Variants in FAT3 observed in about 807,000 individuals in gnomAD.
The protein encoded by FAT3 is FAT atypical cadherin 3.
FAT3 carries 95 observed loss-of-function variants against 310.2 expected under a neutral mutation model. The ratio of observed to expected loss-of-function variants is 0.31; its 90% CI spans 0.26 to 0.36. The LOEUF (loss-of-function observed/expected upper bound fraction) is 0.36. Among genes scored for constraint, FAT3 ranks in the 10% least tolerant of loss-of-function variants. The pLI, the probability that FAT3 is intolerant of heterozygous loss-of-function variation, is 1.00. For missense variants in FAT3, 5,408 were observed against 5,715.6 expected, an observed-to-expected ratio of 0.95 and a Z score of 1.74; for synonymous variants, 2,314 against 2,192.9, an observed-to-expected ratio of 1.06 and a Z score of -1.54.
chr11:92,275,126 G>A (rs1379402016), intron 1 of FAT3, among the ~76,000 whole-genome samples: 1 of 152,064 alleles, frequency 6.6e-6, no homozygotes, highest in Non-Finnish European at 1.5e-5. Flanking sequence ...AGTCTTCCCA[G>A]GTACCACACT....
intron 1 of FAT3, among the ~76,000 whole-genome samples, chr11:92,307,888 T>C (rs1947181624): frequency 6.6e-6 from 1 of 152,212 alleles, no homozygotes; most frequent in South Asian, 2.1e-4. Flanking sequence ...TAGTACCACA[T>C]GGGAATTAGT....
intron 2 of FAT3, among the ~76,000 whole-genome samples, chr11:92,467,676 A>G (rs1341953886): frequency 6.6e-6 from 1 of 152,158 alleles, no homozygotes; most frequent in Non-Finnish European, 1.5e-5. Flanking sequence ...CCTGCTCTGT[A>G]TAGCACCCAG....
chr11:92,657,631 G>T (rs927742617), intron 3 of FAT3, among the ~76,000 whole-genome samples: 1 of 152,206 alleles, frequency 6.6e-6, no homozygotes, highest in Non-Finnish European at 1.5e-5. Flanking sequence ...ACAGCATTTT[G>T]TCATTTGAAC....
At chr11:92,769,737 A>G (rs185346564) in intron 6 of FAT3, among the ~76,000 whole-genome samples, 21 of 152,334 alleles carry the variant, frequency 1.4e-4, no homozygotes, top group Non-Finnish European at 2.6e-4. Context: ...GAGTGATAGA[A>G]CGTAGTTCCA....
intron 1 of FAT3, among the ~76,000 whole-genome samples, chr11:92,293,541 TATATATATATAAATAA>T (rs1284058009): frequency 1.4e-5 from 1 of 71,332 alleles, no homozygotes; most frequent in African/African-American, 6.9e-5. Flanking sequence ...TATATATATA[TATATATATATAAATAA>T]AATATATTCC....
intron 1 of FAT3, among the ~76,000 whole-genome samples, chr11:92,318,406 A>G (rs1947524360): frequency 6.6e-6 from 1 of 152,204 alleles, no homozygotes; most frequent in African/African-American, 2.4e-5. Flanking sequence ...CAATGGCAGT[A>G]TGTTTTGAAA....
chr11:92,727,883 G>A (rs1030022822), intron 4 of FAT3, among the ~76,000 whole-genome samples: 1 of 152,324 alleles, frequency 6.6e-6, no homozygotes, highest in African/African-American at 2.4e-5. Flanking sequence ...ACTGAGGCTG[G>A]CCTCCCCAGA....
chr11:92,419,572 T>C (rs182821578), intron 2 of FAT3, among the ~76,000 whole-genome samples: 3 of 152,342 alleles, frequency 2.0e-5, no homozygotes, highest in African/African-American at 7.2e-5. Context: ...ATTTCTTTTA[T>C]ACCTCAGCTT....
intron 11 of FAT3, among the ~76,000 whole-genome samples, chr11:92,805,970 A>G (rs1274445454): frequency 6.6e-6 from 1 of 152,232 alleles, no homozygotes; most frequent in African/African-American, 2.4e-5. Context: ...AAATGCTGGT[A>G]GTGGCTCTTT....
intron 4 of FAT3, among the ~76,000 whole-genome samples, chr11:92,731,266 T>C (rs1441397930): frequency 6.6e-6 from 1 of 152,186 alleles, no homozygotes; most frequent in African/African-American, 2.4e-5. Flanking sequence ...CAGTTTTACC[T>C]CCAGGGGACA....
intron 22 of FAT3, among the ~76,000 whole-genome samples, chr11:92,873,062 A>G (rs1006499380): frequency 1.3e-5 from 2 of 152,232 alleles, no homozygotes; most frequent in Non-Finnish European, 2.9e-5. Flanking sequence ...ATAGAGAGGA[A>G]GCTGATTTCA....
Position 92,837,824 on chromosome 11 carries a change from G to T in FAT3, c.10368+18G>T, listed in dbSNP as rs1327685511. On this transcript the variant is annotated intron_variant, in intron 17 of 27. Transcript: ENST00000525166. ...TGATTCAGGTGAGAAAATCTTGCCT[G>T]CCAAGCACTTGTCCCTTTGCATTCA... is the stretch of plus-strand genomic sequence containing the variant. 3.1e-6 allele frequency: 5 copies of T among 1,613,850 alleles called. No homozygotes were observed. The African/African-American group carries it at 5.3e-5, about 17-fold the overall frequency.
At chr11:92,681,755 G>T (rs1452074132) in intron 3 of FAT3, among the ~76,000 whole-genome samples, 4 of 152,132 alleles carry the variant, frequency 2.6e-5, no homozygotes, top group African/African-American at 9.7e-5. Flanking sequence ...CATTTAATTG[G>T]ATTGCTCCTA....
At chr11:92,602,827 G>A (rs1940096504) in intron 3 of FAT3, among the ~76,000 whole-genome samples, 1 of 152,182 alleles carries the variant, frequency 6.6e-6, no homozygotes. Context: ...GAATAAAGTA[G>A]GGCAAGCTTT....
chr11:92,337,638 G>T (rs1384592466), intron 1 of FAT3, among the ~76,000 whole-genome samples: 1 of 152,182 alleles, frequency 6.6e-6, no homozygotes, highest in Admixed American at 6.5e-5. Context: ...CGCCATGTTG[G>T]CCAGGCTGGT....
intron 2 of FAT3, among the ~76,000 whole-genome samples, chr11:92,486,380 T>TA (rs1952404401): frequency 6.6e-6 from 1 of 151,918 alleles, no homozygotes; most frequent in Admixed American, 6.6e-5. Context: ...CCTTTTTTTT[T>TA]ACACGTGTCT....
chr11:92,321,856 G>A (rs1338545878), intron 1 of FAT3, among the ~76,000 whole-genome samples: 2 of 152,040 alleles, frequency 1.3e-5, no homozygotes, highest in Non-Finnish European at 2.9e-5. Flanking sequence ...AATGTTTTTC[G>A]TAAACTCCTA....
chr11:92,347,438 T>G (rs57071687), intron 1 of FAT3, among the ~76,000 whole-genome samples: 1 of 152,136 alleles, frequency 6.6e-6, no homozygotes, highest in Non-Finnish European at 1.5e-5. Flanking sequence ...GAAAATGAAA[T>G]ATATTTTTAA....
chr11:92,343,429 A>T (rs1948323766), intron 1 of FAT3, among the ~76,000 whole-genome samples: 1 of 152,172 alleles, frequency 6.6e-6, no homozygotes, highest in African/African-American at 2.4e-5. Context: ...CAGGGTAGAC[A>T]AGCAGAGTTT....
Sources: gnomAD v4.1 joint callset for allele counts (sites outside exome capture counted in the v4.1 genomes callset) on GRCh38, gnomAD v4.1.1 for gene constraint, MANE v1.5 for transcripts, NCBI Gene and HGNC (gene_info 2026-07-23, HGNC 2026-07-21) for gene names.